Variants in KLF12 observed in about 807,000 individuals in gnomAD.
KLF12 encodes Krueppel-like factor 12.
KLF12 carries 9 observed loss-of-function variants against 37.8 expected under a neutral mutation model. The ratio of observed to expected loss-of-function variants is 0.24; its 90% CI spans 0.14 to 0.42. KLF12 has a LOEUF of 0.42. KLF12 is among the 10% of genes least tolerant of loss of function. The probability of loss-of-function intolerance (pLI) is 1.00; values close to 1 mark genes in which losing one functional copy is unlikely to be tolerated. For missense variants in KLF12, 411 were observed against 516.0 expected (o/e 0.80, Z 1.97); for synonymous variants, 208 against 202.1 (o/e 1.03, Z -0.25).
chr13:74,253,471 C>G, the KLF12 span, among the ~76,000 whole-genome samples: 2 of 152,112 alleles, frequency 1.3e-5, no homozygotes, highest in East Asian at 3.8e-4. Flanking sequence ...CTCTGGGAGC[C>G]ACCTCAAATC....
chr13:74,113,667 G>A (rs536397396), intron 1 of KLF12, among the ~76,000 whole-genome samples: 1 of 152,172 alleles, frequency 6.6e-6, no homozygotes, highest in African/African-American at 2.4e-5. Flanking sequence ...TGACACAGAC[G>A]TATGTAGAAC....
intron 6 of KLF12, among the ~76,000 whole-genome samples, chr13:73,735,405 ATTATGT>A (rs913812417): frequency 6.6e-6 from 1 of 152,208 alleles, no homozygotes; most frequent in African/African-American, 2.4e-5. Context: ...CGGTGCCTCC[ATTATGT>A]TCATGGTAAT....
intron 2 of KLF12, among the ~76,000 whole-genome samples, chr13:73,991,037 T>A (rs1169540005): frequency 6.6e-6 from 1 of 152,166 alleles, no homozygotes; most frequent in East Asian, 1.9e-4. Flanking sequence ...TTTCTCTCCT[T>A]CAATAATTCC....
In KLF12 at chr13:74,037,994, C is replaced by T. The variant is rs187385762; in HGVS notation, c.-31-42941G>A. ...CCTTGTGGGCATGGAACCCCACATA[C>T]ACAAGATCTGTTATCTTGATTCTGG... On this transcript the variant is annotated intron_variant, in intron 1 of 7. Coordinates refer to ENST00000377669, the MANE Select transcript of KLF12 (RefSeq NM_007249.5). 1.3e-3 allele frequency among the ~76,000 whole-genome samples: 200 copies of T among 152,246 alleles called. 5 individuals are homozygous for T. Among genetic ancestry groups the T allele is most frequent in the Non-Finnish European group, 2.8e-4 (19 of 68,014 alleles).
intron 7 of KLF12, among the ~76,000 whole-genome samples, chr13:73,708,747 C>T (rs190794136): frequency 6.6e-6 from 1 of 152,080 alleles, no homozygotes; most frequent in Non-Finnish European, 1.5e-5. Context: ...AGTTAATAAG[C>T]AATAGAACTC....
At chr13:74,128,247 C>T (rs766579210) in intron 1 of KLF12, among the ~76,000 whole-genome samples, 13 of 152,182 alleles carry the variant, frequency 8.5e-5, no homozygotes, top group Non-Finnish European at 1.5e-5. Flanking sequence ...GAATGGAATT[C>T]ATGACCTTTG....
chr13:74,099,058 T>C (rs1212480224), intron 1 of KLF12, among the ~76,000 whole-genome samples: 1 of 152,118 alleles, frequency 6.6e-6, no homozygotes, highest in African/African-American at 2.4e-5. Context: ...GTTAGAAAAA[T>C]CACTTTGGAC....
chr13:74,055,164 T>G (rs1873176017), intron 1 of KLF12, among the ~76,000 whole-genome samples: 1 of 152,238 alleles, frequency 6.6e-6, no homozygotes, highest in Non-Finnish European at 1.5e-5. Context: ...AAAACTGCCA[T>G]AAGAAAGCTA....
chr13:74,072,406 TAA>T (rs55876641), intron 1 of KLF12, among the ~76,000 whole-genome samples: 1 of 119,728 alleles, frequency 8.4e-6, no homozygotes, highest in Admixed American at 8.7e-5. Flanking sequence ...TATATATATA[TAA>T]AAGATTATCT....
intron 3 of KLF12, among the ~76,000 whole-genome samples, chr13:73,852,462 C>T (rs1885380259): frequency 6.6e-6 from 1 of 152,096 alleles, no homozygotes; most frequent in Non-Finnish European, 1.5e-5. Flanking sequence ...TGCCTTATAT[C>T]AATATGTCAA....
chr13:74,237,844 G>A, the KLF12 span, among the ~76,000 whole-genome samples: 757 of 152,278 alleles, frequency 5.0e-3, 4 homozygotes, highest in African/African-American at 0.017. Context: ...TTTGGGCTGA[G>A]ACAATGGGGT....
At chr13:74,174,718 T>A in the KLF12 span, among the ~76,000 whole-genome samples, 1 of 152,198 alleles carries the variant, frequency 6.6e-6, no homozygotes, top group Non-Finnish European at 1.5e-5. Flanking sequence ...TCCAGCCACG[T>A]CTCTCAGTGC....
chr13:73,793,438 T>C (rs1057314182), intron 5 of KLF12, among the ~76,000 whole-genome samples: 1 of 152,184 alleles, frequency 6.6e-6, no homozygotes, highest in Non-Finnish European at 1.5e-5. Context: ...CATCTATAGG[T>C]ACCATTTTAA....
chr13:74,080,281 AGTT>A (rs1874802457), intron 1 of KLF12, among the ~76,000 whole-genome samples: 1 of 136,998 alleles, frequency 7.3e-6, no homozygotes, highest in Admixed American at 7.8e-5. Context: ...TACAAAAAAA[AGTT>A]GTTTTTTTTT....
intron 1 of KLF12, among the ~76,000 whole-genome samples, chr13:74,128,084 G>A (rs1175717965): frequency 6.6e-6 from 1 of 152,064 alleles, no homozygotes; most frequent in Non-Finnish European, 1.5e-5. Context: ...ATGATCATGT[G>A]AACTGTAATT....
At chr13:74,285,723 T>A in the KLF12 span, among the ~76,000 whole-genome samples, 1 of 152,206 alleles carries the variant, frequency 6.6e-6, no homozygotes, top group East Asian at 1.9e-4. Context: ...CATGACAACA[T>A]CCCTGAGGCT....
At chr13:73,970,008 A>G (rs1289275760) in intron 2 of KLF12, among the ~76,000 whole-genome samples, 2 of 152,196 alleles carry the variant, frequency 1.3e-5, no homozygotes, top group Non-Finnish European at 2.9e-5. Context: ...GTTAGGTTCA[A>G]CAAATGCTTG....
chr13:73,946,522 T>C (rs1442929701), intron 2 of KLF12, among the ~76,000 whole-genome samples: 1 of 152,228 alleles, frequency 6.6e-6, no homozygotes, highest in African/African-American at 2.4e-5. Flanking sequence ...TAAATTTATA[T>C]TGTTCTTGAA....
At chr13:74,085,596 G>A (rs1875230028) in intron 1 of KLF12, among the ~76,000 whole-genome samples, 1 of 152,166 alleles carries the variant, frequency 6.6e-6, no homozygotes. Context: ...AAGTTTAGCA[G>A]CCTTAAATAA....
Sources: allele counts gnomAD v4.1 joint callset (sites outside exome capture counted in the v4.1 genomes callset), GRCh38; gene constraint gnomAD v4.1.1; transcripts MANE v1.5; gene names NCBI Gene and HGNC (gene_info 2026-07-23, HGNC 2026-07-21).